Variants in ZNF664 observed in about 807,000 individuals in gnomAD.
ZNF664 encodes zinc finger protein 664.
In ZNF664, 10 loss-of-function variants were observed where a neutral mutation model predicts 18.2. The observed-to-expected ratio is 0.55, with a 90% CI of 0.34 to 0.93. The LOEUF is 0.93. Ranked by LOEUF, ZNF664 falls within the 40% of genes least tolerant of loss-of-function variation. The pLI is 0.02. For missense variants in ZNF664, 193 were observed against 319.0 expected (o/e 0.61, Z 3.01); for synonymous variants, 119 against 104.2 (o/e 1.14, Z -0.86).
intron 2 of ZNF664, among the ~76,000 whole-genome samples, chr12:123,986,003 A>G (rs1257710220): frequency 1.3e-5 from 2 of 152,092 alleles, no homozygotes; most frequent in East Asian, 1.9e-4. Context: ...AAACATTTAC[A>G]TAGGTCTTCG....
chr12:123,973,423 A>C, intron 1 of ZNF664, 71 bp downstream of exon 1: 9 of 453,200 alleles, frequency 2.0e-5, no homozygotes, highest in Non-Finnish European at 2.5e-5. Context: ...GGGGCCAGGG[A>C]GCGGGCTGGG....
chr12:124,009,626 G>T (rs1426992693), intron 3 of ZNF664, among the ~76,000 whole-genome samples: 1 of 152,158 alleles, frequency 6.6e-6, no homozygotes, highest in Non-Finnish European at 1.5e-5. Flanking sequence ...AGCTTCCTGA[G>T]TAGCTGCGAC....
At chr12:123,982,927 G>A (rs1956783174) in intron 2 of ZNF664, among the ~76,000 whole-genome samples, 1 of 152,184 alleles carries the variant, frequency 6.6e-6, no homozygotes, top group Non-Finnish European at 1.5e-5. Flanking sequence ...GGCCAAGGCA[G>A]GCAGATGGCT....
chr12:123,994,844 G>A (rs1956929241), intron 3 of ZNF664, among the ~76,000 whole-genome samples: 1 of 152,194 alleles, frequency 6.6e-6, no homozygotes, highest in African/African-American at 2.4e-5. Context: ...GTCATTTGGA[G>A]CCTTCATGGA....
At position 124,013,379 on chromosome 12, in the gene ZNF664, C is replaced by T. The variant is rs543332475; in HGVS notation, c.*449C>T. On this transcript the variant is annotated 3_prime_UTR_variant, in exon 5 of 5. Transcript: ENST00000337815. ...AAACAGACAGCTCCCACTAAGATCA[C>T]GTTCTGGTATTTCTGAGGTTAACAC... 2.1e-4 allele frequency: 39 copies of T among 187,156 alleles called. No individual in the cohort carries two copies. Among genetic ancestry groups the T allele is most frequent in the African/African-American group, 6.2e-4 (26 of 41,868 alleles). The allele number at this position is 187,156 out of a possible 1,614,324, so 11.6% of individuals were successfully genotyped here. A position where few individuals can be genotyped will look rare whatever the true frequency, so the allele number is the denominator to read the frequency against.
At chr12:124,006,470 G>A (rs1957075222) in intron 3 of ZNF664, among the ~76,000 whole-genome samples, 2 of 152,204 alleles carry the variant, frequency 1.3e-5, no homozygotes. Flanking sequence ...CAGAGCACGT[G>A]TTCTCTCAGG....
At chr12:124,010,128 A>G (rs2138459252) in intron 3 of ZNF664, among the ~76,000 whole-genome samples, 1 of 152,332 alleles carries the variant, frequency 6.6e-6, no homozygotes, top group East Asian at 1.9e-4. Flanking sequence ...AATTATTACT[A>G]GGACAAAGGA....
intron 3 of ZNF664, chr12:124,011,151 G>A (rs960725702): frequency 8.0e-6 from 2 of 248,982 alleles, no homozygotes; most frequent in Non-Finnish European, 1.3e-5. Context: ...ATCTCCAAAG[G>A]CAGCAATGTT....
rs983245143 is a variant in ZNF664, at chr12:124,013,089, A to C, written c.*159A>C. 9.7e-7 allele frequency: 1 copy of C among 1,029,606 alleles called. No homozygotes were observed. Among genetic ancestry groups the C allele is most frequent in the Non-Finnish European group, 1.4e-6 (1 of 719,366 alleles). 63.8% of individuals were successfully genotyped at this position (1,029,606 alleles called of 1,614,324 possible). On this transcript the variant is annotated 3_prime_UTR_variant, in exon 5 of 5. Transcript: ENST00000337815. ...GAGATTGATTTGTTGGTTCATGCCA[A>C]GTGTGTTCCACAGGTTGACTTTGAA...
At chr12:123,973,653 A>C (rs1956630984) in intron 1 of ZNF664, 1 of 606,860 alleles carries the variant, frequency 1.6e-6, no homozygotes. Flanking sequence ...AGGGCTGGGC[A>C]GCGGGCAGGG....
chr12:124,012,810 A>G lies in ZNF664; in HGVS notation c.666A>G (p.Thr222=), dbSNP rs763250504. The change falls in exon 5 of 5, where the codon ACA becomes ACG. Residue 222 remains threonine, a synonymous_variant. Coordinates refer to ENST00000337815, the MANE Select transcript of ZNF664 (RefSeq NM_152437.3). ...SSLCIHQRVH[T]GEKPFKCDEC... is the part of the protein sequence containing the mutation. ...TGTGCATCCACCAGAGAGTCCACAC[A>G]GGAGAGAAACCTTTCAAATGTGATG... The G allele has an allele frequency of 1.9e-6, 3 of 1,613,606 alleles. No homozygotes were observed. Among genetic ancestry groups the G allele is most frequent in the Non-Finnish European group, 2.5e-6 (3 of 1,179,750 alleles).
At chr12:123,976,777 A>G (rs1286190387) in intron 2 of ZNF664, among the ~76,000 whole-genome samples, 4 of 151,910 alleles carry the variant, frequency 2.6e-5, no homozygotes, top group Non-Finnish European at 1.5e-5. Flanking sequence ...GGTCAAATCA[A>G]TGTTTGATTA....
chr12:123,997,854 A>G (rs553410017), intron 3 of ZNF664: 2 of 152,422 alleles, frequency 1.3e-5, no homozygotes, highest in Admixed American at 1.3e-4. Flanking sequence ...TGGTACTGCA[A>G]TTAGAACACG....
chr12:123,994,788 C>G (rs1243330225), intron 3 of ZNF664, among the ~76,000 whole-genome samples: 2 of 152,210 alleles, frequency 1.3e-5, no homozygotes, highest in Non-Finnish European at 2.9e-5. Context: ...CTTGGTCTCT[C>G]TTACACTCTG....
At chr12:123,974,123 T>C in intron 2 of ZNF664, 103 bp downstream of exon 2, 1 of 871,008 alleles carries the variant, frequency 1.1e-6, no homozygotes, top group Non-Finnish European at 1.5e-6. Context: ...TGTCCCCGGC[T>C]TCTCATGAAC....
chr12:124,005,048 C>T (rs1957055061), intron 3 of ZNF664: 1 of 153,332 alleles, frequency 6.5e-6, no homozygotes, highest in Non-Finnish European at 1.5e-5. Flanking sequence ...CCCCTGCCCC[C>T]AGTCTGTGGA....
intron 2 of ZNF664, among the ~76,000 whole-genome samples, chr12:123,978,322 G>T (rs564588059): frequency 2.0e-5 from 3 of 152,134 alleles, no homozygotes; most frequent in Non-Finnish European, 4.4e-5. Context: ...TAGACAGTTC[G>T]CTGGATAGAA....
intron 2 of ZNF664, among the ~76,000 whole-genome samples, chr12:123,976,802 C>G (rs1956698165): frequency 6.6e-6 from 1 of 152,080 alleles, no homozygotes; most frequent in South Asian, 2.1e-4. Flanking sequence ...AAAAAAAGAT[C>G]CTGGCCATGC....
At chr12:123,978,204 T>G (rs1335212857) in intron 2 of ZNF664, among the ~76,000 whole-genome samples, 1 of 151,622 alleles carries the variant, frequency 6.6e-6, no homozygotes, top group Admixed American at 6.6e-5. Flanking sequence ...GGAAAATATT[T>G]GTGGCAAATG....
Sources: allele counts gnomAD v4.1 joint callset (sites outside exome capture counted in the v4.1 genomes callset), GRCh38; gene constraint gnomAD v4.1.1; transcripts MANE v1.5; gene names NCBI Gene and HGNC (gene_info 2026-07-23, HGNC 2026-07-21).